The following CNOT1 variants were observed in gnomAD, a reference collection of about 807,000 sequenced individuals.
The protein encoded by CNOT1 is CCR4-NOT transcription complex subunit 1, also known as CCR4-associated factor 1.
CNOT1 carries 15 observed loss-of-function variants against 273.8 expected under a neutral mutation model. The observed-to-expected ratio is 0.05, with a 90% CI of 0.04 to 0.08. CNOT1 has a LOEUF of 0.08. CNOT1 is among the 10% of genes least tolerant of loss of function. The probability of loss-of-function intolerance (pLI) is 1.00; values close to 1 mark genes in which losing one functional copy is unlikely to be tolerated. For missense variants in CNOT1, 1,644 were observed against 2,912.2 expected (o/e 0.56, Z 10.02); for synonymous variants, 1,022 against 1,005.5 (o/e 1.02, Z -0.31).
At chr16:58,569,656 A>C (rs977735529) in intron 16 of CNOT1, among the ~76,000 whole-genome samples, 6 of 151,008 alleles carry the variant, frequency 4.0e-5, no homozygotes, top group African/African-American at 1.5e-4. Flanking sequence ...CAGACAAAAT[A>C]GTTCATTTGA....
chr16:58,590,348 T>C (rs2042011195), intron 2 of CNOT1, among the ~76,000 whole-genome samples: 1 of 152,308 alleles, frequency 6.6e-6, no homozygotes, highest in South Asian at 2.1e-4. Flanking sequence ...ATCATGATAA[T>C]AACATGAAAG....
chr16:58,604,692 G>T (rs2042605564), intron 1 of CNOT1, among the ~76,000 whole-genome samples: 1 of 150,986 alleles, frequency 6.6e-6, no homozygotes. Context: ...AGCTACTTGG[G>T]AGGCTGAGGC....
chr16:58,530,213 TATTTTA>T (rs1285126496), intron 43 of CNOT1, 27 bp downstream of exon 43: 1 of 1,512,228 alleles, frequency 6.6e-7, no homozygotes, highest in Admixed American at 1.8e-5. Context: ...AGATCTCAGT[TATTTTA>T]ATTTATAATA....
rs374515414 is a variant in CNOT1, at chr16:58,545,451, G to A, written c.4047C>T (p.Ala1349=). The A allele has an allele frequency of 7.4e-6, 12 of 1,614,002 alleles. No individual in the cohort carries two copies. The African/African-American group carries it at 1.3e-4, about 18-fold the overall frequency. The change falls in exon 30 of 49, where the codon GCC becomes GCT. Residue 1349 remains alanine, a synonymous_variant. Coordinates refer to ENST00000317147, the MANE Select transcript of CNOT1 (RefSeq NM_016284.5). ...TTPATNTTCT[A]TVPPQPQYSY... is the part of the protein sequence containing the mutation. ...TGTACTGTGGCTGTGGTGGAACCGTGGCTGTACAAGTGGTGTTGGTAGCTG... is the reference window on the plus strand; with the variant it reads ...TGTACTGTGGCTGTGGTGGAACCGTAGCTGTACAAGTGGTGTTGGTAGCTG...
At position 58,587,743 on chromosome 16, in the gene CNOT1, G is replaced by C. The variant is rs777163494; in HGVS notation, c.309+37C>G. ...TTAGGGACTTTTTAGAAAGCCTAAG[G>C]AGAGATCACACTCTTAAAGATAATA... On this transcript the variant is annotated intron_variant, in intron 4 of 48. Transcript: ENST00000317147. 5.4e-5 allele frequency: 87 copies of C among 1,599,906 alleles called. 1 individual carries two copies. In the Admixed American group the frequency reaches 1.5e-3, roughly 27 times the overall value.
At chr16:58,599,129 C>A in intron 2 of CNOT1, 107 bp downstream of exon 2, 1 of 1,444,020 alleles carries the variant, frequency 6.9e-7, no homozygotes. Context: ...AATTAAGGGG[C>A]AAAAGTTAGT....
intron 1 of CNOT1, among the ~76,000 whole-genome samples, chr16:58,627,463 C>T (rs1387421996): frequency 7.4e-6 from 1 of 134,458 alleles, no homozygotes; most frequent in East Asian, 2.4e-4. Flanking sequence ...CTAAAACATA[C>T]TCAGAAAAAG....
chr16:58,560,398 C>G (rs768715712), intron 16 of CNOT1, 36 bp from the exon 17 acceptor site: 1 of 1,605,402 alleles, frequency 6.2e-7, no homozygotes, highest in East Asian at 2.2e-5. Flanking sequence ...AATATCAGTT[C>G]CTATTCTCTA....
chr16:58,623,851 G>A (rs908285972), intron 1 of CNOT1, among the ~76,000 whole-genome samples: 2 of 152,096 alleles, frequency 1.3e-5, no homozygotes, highest in Non-Finnish European at 2.9e-5. Context: ...TTAGCCAGGT[G>A]TGGTGGCGCA....
intron 38 of CNOT1, 133 bp from the exon 39 acceptor site, chr16:58,537,353 G>A: frequency 7.7e-7 from 1 of 1,300,894 alleles, no homozygotes. Context: ...CTTCCACACT[G>A]AAACAAAACT....
chr16:58,535,457 C>T (rs1352863773), intron 39 of CNOT1, among the ~76,000 whole-genome samples: 4 of 152,168 alleles, frequency 2.6e-5, no homozygotes, highest in African/African-American at 9.7e-5. Flanking sequence ...AAGTATAATA[C>T]ACTATCTTTT....
At chr16:58,620,208 T>C (rs1441763904) in intron 1 of CNOT1, among the ~76,000 whole-genome samples, 1 of 152,104 alleles carries the variant, frequency 6.6e-6, no homozygotes, top group Non-Finnish European at 1.5e-5. Context: ...TTAAAAGGCA[T>C]TGTAGGGTGC....
At chr16:58,594,851 TCA>T (rs2151998952) in intron 2 of CNOT1, among the ~76,000 whole-genome samples, 1 of 150,372 alleles carries the variant, frequency 6.7e-6, no homozygotes, top group East Asian at 1.9e-4. Context: ...GTACAGTGGC[TCA>T]CGCCTGTAAT....
rs201713384 is a variant in CNOT1, at chr16:58,580,648, C to T, written c.1328G>A (p.Arg443Gln). ...ILKAPPEDDN[R>Q]EIATWKSLDL... is the part of the protein sequence containing the mutation. ...AAGTGTTTACCATGTGGCAATTTCT[C>T]GATTGTCATCCTCTGGTGGTGCTTT... The change falls in exon 12 of 49, where the codon CGA (arginine) becomes CAA (glutamine). Residue 443 changes from arginine to glutamine, a missense_variant. Coordinates refer to ENST00000317147, the MANE Select transcript of CNOT1 (RefSeq NM_016284.5). 2.2e-4 allele frequency: 354 copies of T among 1,609,836 alleles called. No individual in the cohort carries two copies. The highest frequency in any genetic ancestry group is 2.8e-4 in the Non-Finnish European group (325 of 1,178,722).
chr16:58,629,416 C>G (rs2043732648), intron 1 of CNOT1, among the ~76,000 whole-genome samples: 1 of 152,180 alleles, frequency 6.6e-6, no homozygotes, highest in Non-Finnish European at 1.5e-5. Flanking sequence ...GCCGCCGCTG[C>G]CGCCCCCTGA....
chr16:58,617,098 C>G (rs1437770543), intron 1 of CNOT1, among the ~76,000 whole-genome samples: 2 of 152,160 alleles, frequency 1.3e-5, no homozygotes, highest in Non-Finnish European at 2.9e-5. Flanking sequence ...GCAGGGCTCA[C>G]GGCTGTAATG....
intron 2 of CNOT1, among the ~76,000 whole-genome samples, chr16:58,596,899 A>AAAAAAC (rs2042278392): frequency 1.6e-5 from 1 of 63,432 alleles, no homozygotes; most frequent in African/African-American, 4.4e-5. Flanking sequence ...AAAAAAAAAA[A>AAAAAAC]AAAAAAAAAA....
In CNOT1 at chr16:58,616,177, G is replaced by A. The variant is rs1389808379; in HGVS notation, c.-175+13551C>T. Among the ~76,000 whole-genome samples the A allele has an allele frequency of 1.6e-5, 2 of 125,652 alleles. 1 individual carries two copies. The highest frequency in any genetic ancestry group is 3.8e-5 in the Non-Finnish European group (2 of 52,690). 82.4% of individuals were successfully genotyped at this position (125,652 alleles called of 152,430 possible). On this transcript the variant is annotated intron_variant, in intron 1 of 48. Coordinates refer to ENST00000317147, the MANE Select transcript of CNOT1 (RefSeq NM_016284.5). ...GCTGGAGTGCAGTGTCATGATCTCG[G>A]CTCACTGCAACCTCCGCCTCCCGGG...
At chr16:58,521,590 G>A (rs1352634556) in intron 47 of CNOT1, among the ~76,000 whole-genome samples, 1 of 152,164 alleles carries the variant, frequency 6.6e-6, no homozygotes, top group East Asian at 1.9e-4. Flanking sequence ...GGGTGATGGG[G>A]GAGAGGAAGC....
Sources: gnomAD v4.1 joint callset for allele counts (sites outside exome capture counted in the v4.1 genomes callset) on GRCh38, gnomAD v4.1.1 for gene constraint, MANE v1.5 for transcripts, NCBI Gene and HGNC (gene_info 2026-07-23, HGNC 2026-07-21) for gene names.